The following DMD variants were observed in gnomAD, a reference collection of about 807,000 sequenced individuals.
DMD encodes the protein mutant dystrophin.
In DMD, 63 loss-of-function variants were observed where a neutral mutation model predicts 330.1. The ratio of observed to expected loss-of-function variants is 0.19; its 90% CI spans 0.16 to 0.24. DMD has a LOEUF of 0.24. DMD is among the 10% of genes least tolerant of loss of function. The probability of loss-of-function intolerance (pLI) is 1.00; values close to 1 mark genes in which losing one functional copy is unlikely to be tolerated. For missense variants in DMD, 3,344 were observed against 2,684.1 expected, an observed-to-expected ratio of 1.25 and a Z score of -5.43; for synonymous variants, 1,223 against 959.8, an observed-to-expected ratio of 1.27 and a Z score of -5.07.
At chrX:31,989,269 C>T (rs767125987) in intron 44 of DMD, among the ~76,000 whole-genome samples, 2 of 111,826 alleles carry the variant, frequency 1.8e-5, no homozygotes, top group South Asian at 3.8e-4. Flanking sequence ...CGGTACCCTG[C>T]GGCCCAGCCA....
chrX:32,132,993 C>CTTTTTTTTTTTT (rs377615262), intron 44 of DMD, among the ~76,000 whole-genome samples: 67 of 75,947 alleles, frequency 8.8e-4, no homozygotes, highest in Non-Finnish European at 1.2e-3. Flanking sequence ...CTTTTCTTTT[C>CTTTTTTTTTTTT]TTTTTTTTTT....
intron 17 of DMD, among the ~76,000 whole-genome samples, chrX:32,529,961 C>A (rs1444834422): frequency 9.0e-6 from 1 of 110,976 alleles, no homozygotes; most frequent in Non-Finnish European, 1.9e-5. Context: ...TAATTTTAAG[C>A]ACATCACTCA....
chrX:32,685,881 T>A (rs2062823391), intron 9 of DMD, among the ~76,000 whole-genome samples: 1 of 112,149 alleles, frequency 8.9e-6, no homozygotes, highest in South Asian at 3.6e-4. Context: ...TTAAACTTTA[T>A]AATGAACAAA....
intron 44 of DMD, among the ~76,000 whole-genome samples, chrX:31,988,473 C>CAAAAAAA (rs11352664): frequency 8.3e-5 from 2 of 24,150 alleles, no homozygotes; most frequent in African/African-American, 1.5e-4. Context: ...GACTCCATCT[C>CAAAAAAA]AAAAAAAAAA....
intron 21 of DMD, among the ~76,000 whole-genome samples, chrX:32,477,201 T>G (rs2041323954): frequency 9.0e-6 from 1 of 110,609 alleles, no homozygotes; most frequent in Admixed American, 9.7e-5. Context: ...AAAATGAAAA[T>G]CAATATAAGT....
At chrX:31,818,073 G>C (rs757787393) in intron 50 of DMD, among the ~76,000 whole-genome samples, 1 of 111,671 alleles carries the variant, frequency 9.0e-6, no homozygotes, top group Non-Finnish European at 1.9e-5. Flanking sequence ...GATTCACCTG[G>C]GGATTCTATT....
intron 1 of DMD, among the ~76,000 whole-genome samples, chrX:33,102,453 T>C (rs1240566020): frequency 3.6e-5 from 4 of 111,178 alleles, no homozygotes; most frequent in Non-Finnish European, 7.5e-5. Context: ...AGTTAAAATT[T>C]TTTTCTTCAA....
At chrX:32,285,353 T>C (rs1470546479) in intron 43 of DMD, among the ~76,000 whole-genome samples, 1 of 112,190 alleles carries the variant, frequency 8.9e-6, no homozygotes, top group African/African-American at 3.2e-5. Context: ...CCGCAGAGCC[T>C]CATAATGTCT....
At chrX:31,346,734 C>A (rs964943612) in intron 61 of DMD, among the ~76,000 whole-genome samples, 1 of 109,527 alleles carries the variant, frequency 9.1e-6, no homozygotes, top group African/African-American at 3.3e-5. Flanking sequence ...ATACAAGGCT[C>A]ACGAATGTAA....
At position 31,156,486 on chromosome X, in the gene DMD, T is replaced by G. The variant is rs1374837267; in HGVS notation, c.10554-8968A>C. On this transcript the variant is annotated intron_variant, in intron 74 of 78. Transcript: ENST00000357033. ...CACCATCCATGGCTGAGGAGAGAAT[T>G]AGAACAAGGCTTGAGAGATGGTCTT... Among the ~76,000 whole-genome samples the G allele has an allele frequency of 4.5e-5, 5 of 111,831 alleles. No individual in the cohort carries two copies. In the East Asian group the frequency reaches 1.4e-3, roughly 31 times the overall value.
intron 25 of DMD, among the ~76,000 whole-genome samples, chrX:32,456,755 C>T (rs907971421): frequency 9.3e-6 from 1 of 108,027 alleles, no homozygotes; most frequent in African/African-American, 3.4e-5. Flanking sequence ...AAGAAAATCT[C>T]GTGGGATTTG....
chrX:32,808,899 C>T (rs1490945259), intron 7 of DMD, among the ~76,000 whole-genome samples: 1 of 111,679 alleles, frequency 9.0e-6, no homozygotes, highest in East Asian at 2.8e-4. Flanking sequence ...GAAGGTATGA[C>T]TATGTAGCAC....
At chrX:33,215,019 G>A (rs944377709), upstream of DMD, among the ~76,000 whole-genome samples, 9 of 111,780 alleles carry the variant, frequency 8.1e-5, no homozygotes, top group African/African-American at 2.6e-4. Context: ...CTTGTTGGCC[G>A]CTTGTATGTC....
At position 31,180,415 on chromosome X, in the gene DMD, T is replaced by C. The variant is rs1458677875; in HGVS notation, c.10041A>G (p.Ala3347=). 8.3e-7 allele frequency: 1 copy of C among 1,210,895 alleles called. No individual in the cohort carries two copies. The highest frequency in any genetic ancestry group is 3.0e-5 in the East Asian group (1 of 33,850). Residue 3347 remains alanine, a synonymous_variant, in exon 69 of 79, where the codon GCA becomes GCG. Transcript: ENST00000357033. ...TGGGATAGTGCATTTTATGGCCTTT[T>C]GCAACTCGACCAGAAAAAAAGCAGC... ...CQSCFFSGRV[A]KGHKMHYPMV...
chrX:32,293,231 A>C (rs1446536714), intron 42 of DMD, among the ~76,000 whole-genome samples: 1 of 112,439 alleles, frequency 8.9e-6, no homozygotes, highest in Non-Finnish European at 1.9e-5. Flanking sequence ...TTTCACATAG[A>C]GAATTGATAG....
At chrX:31,660,450 T>C (rs1172710689) in intron 53 of DMD, among the ~76,000 whole-genome samples, 1 of 111,993 alleles carries the variant, frequency 8.9e-6, no homozygotes, top group African/African-American at 3.2e-5. Flanking sequence ...TATTCCAAGA[T>C]ACGAAAGAAC....
At chrX:31,473,720 A>AAAAAAAAAAAAAAAAAAG (rs1310270784) in intron 59 of DMD, among the ~76,000 whole-genome samples, 21 of 104,373 alleles carry the variant, frequency 2.0e-4, no homozygotes, top group African/African-American at 7.5e-4. Flanking sequence ...TCAAAAAAAA[A>AAAAAAAAAAAAAAAAAAG]AAAAAAAAGA....
At chrX:32,434,451 T>A (rs1465308949) in intron 29 of DMD, among the ~76,000 whole-genome samples, 2 of 111,675 alleles carry the variant, frequency 1.8e-5, no homozygotes, top group Non-Finnish European at 3.8e-5. Flanking sequence ...AACCACAAAA[T>A]AAAAACTTTT....
At chrX:31,776,830 T>C (rs1603464534) in intron 50 of DMD, among the ~76,000 whole-genome samples, 1 of 112,136 alleles carries the variant, frequency 8.9e-6, no homozygotes, top group Admixed American at 9.4e-5. Context: ...AGCTGAAGCA[T>C]ATTCAGAGGA....
Sources: gnomAD v4.1 joint callset for allele counts (sites outside exome capture counted in the v4.1 genomes callset) on GRCh38, gnomAD v4.1.1 for gene constraint, MANE v1.5 for transcripts, NCBI Gene and HGNC (gene_info 2026-07-23, HGNC 2026-07-21) for gene names.